The following NXN variants were observed in gnomAD, a reference collection of about 807,000 sequenced individuals.
NXN encodes nucleoredoxin 1.
In NXN, 16 loss-of-function variants were observed where a neutral mutation model predicts 48.6. The observed-to-expected ratio is 0.33, with a 90% confidence interval of 0.22 to 0.50. The LOEUF is 0.50. Among genes scored for constraint, NXN ranks in the 20% least tolerant of loss-of-function variants. The pLI is 0.98. For synonymous variants in NXN, 281 were observed against 269.6 expected (o/e 1.04, Z -0.41); for missense variants, 492 against 605.5 (o/e 0.81, Z 1.97).
intron 1 of NXN, among the ~76,000 whole-genome samples, chr17:950,783 C>A (rs2069100281): frequency 6.6e-6 from 1 of 151,944 alleles, no homozygotes; most frequent in Non-Finnish European, 1.5e-5. Context: ...GGACACGCAA[C>A]ACTGTTCCCA....
chr17:847,720 G>A (rs191960804), intron 1 of NXN, among the ~76,000 whole-genome samples: 2 of 152,232 alleles, frequency 1.3e-5, no homozygotes, highest in Non-Finnish European at 1.5e-5. Flanking sequence ...AAAGGGTTCC[G>A]TCACACAATG....
chr17:804,858 G>A (rs981357329), intron 6 of NXN, among the ~76,000 whole-genome samples: 17 of 152,316 alleles, frequency 1.1e-4, no homozygotes, highest in African/African-American at 3.4e-4. Flanking sequence ...CTGGGGAGCA[G>A]CTAGGAGGGA....
rs1913069160 is a variant in NXN at position 825,823 on chromosome 17, G to A, written c.478+138C>T. 6.3e-6 allele frequency: 4 copies of A among 630,070 alleles called. No homozygotes were observed. The highest frequency in any genetic ancestry group is 8.6e-6 in the Non-Finnish European group (3 of 349,724). 39.0% of individuals were successfully genotyped at this position (630,070 alleles called of 1,614,324 possible). On this transcript the variant is annotated intron_variant, in intron 2 of 7. Coordinates refer to ENST00000336868, the MANE Select transcript of NXN (RefSeq NM_022463.5). The surrounding 1 kb of genome is among the most constrained non-coding windows in gnomAD (Gnocchi z 4.1). ...GGGAATACTATGATTTCACCAAGACGACATTCTCTACCACGTAAACCCACG... is the reference window on the plus strand; with the variant it reads ...GGGAATACTATGATTTCACCAAGACAACATTCTCTACCACGTAAACCCACG...
At chr17:962,313 G>A (rs2069247496) in intron 1 of NXN, among the ~76,000 whole-genome samples, 1 of 152,140 alleles carries the variant, frequency 6.6e-6, no homozygotes, top group Non-Finnish European at 1.5e-5. Flanking sequence ...CCTCTTAGGA[G>A]CTCACAATCT....
intron 1 of NXN, among the ~76,000 whole-genome samples, chr17:914,689 A>C (rs1048932199): frequency 1.3e-5 from 2 of 152,214 alleles, no homozygotes; most frequent in Non-Finnish European, 2.9e-5. Flanking sequence ...TGACCTTCAA[A>C]GAGTCCACAG....
chr17:971,709 CA>C (rs1275705137), intron 1 of NXN, among the ~76,000 whole-genome samples: 123 of 137,722 alleles, frequency 8.9e-4, no homozygotes, highest in Admixed American at 9.5e-4. Flanking sequence ...GACTCCATCT[CA>C]AAAAAAAAAA....
intron 1 of NXN, among the ~76,000 whole-genome samples, chr17:853,735 T>G (rs2067953294): frequency 7.5e-6 from 1 of 133,310 alleles, no homozygotes; most frequent in Admixed American, 7.4e-5. Context: ...TTTTTTTTTT[T>G]TTTCCAAGAC....
At chr17:808,127 C>T (rs1911682117) in intron 5 of NXN, among the ~76,000 whole-genome samples, 1 of 152,140 alleles carries the variant, frequency 6.6e-6, no homozygotes, top group Non-Finnish European at 1.5e-5. Context: ...CCTCACAGCA[C>T]CTGCGATGGG....
chr17:852,977 AT>A (rs930384952), intron 1 of NXN, among the ~76,000 whole-genome samples: 27 of 150,888 alleles, frequency 1.8e-4, no homozygotes, highest in African/African-American at 6.3e-4. Flanking sequence ...TAAAGTGTAA[AT>A]TTTTTCTTTT....
intron 1 of NXN, among the ~76,000 whole-genome samples, chr17:944,513 A>C (rs1213653666): frequency 6.6e-6 from 1 of 152,246 alleles, no homozygotes; most frequent in Non-Finnish European, 1.5e-5. Flanking sequence ...TCAGCTGAGC[A>C]GATGGCAAAG....
intron 6 of NXN, 64 bp downstream of exon 6, chr17:805,004 A>G (rs1911407297): frequency 6.6e-7 from 1 of 1,504,666 alleles, no homozygotes; most frequent in Admixed American, 2.0e-5. Flanking sequence ...GCTCCTCCCA[A>G]GTGAGGCCCC....
At chr17:962,769 G>C (rs1243482375) in intron 1 of NXN, among the ~76,000 whole-genome samples, 2 of 152,162 alleles carry the variant, frequency 1.3e-5, no homozygotes, top group Non-Finnish European at 2.9e-5. Flanking sequence ...ATATACATCT[G>C]AATGCGCTTG....
At chr17:817,759 C>A (rs1317726327) in intron 5 of NXN, among the ~76,000 whole-genome samples, 1 of 151,062 alleles carries the variant, frequency 6.6e-6, no homozygotes, top group Non-Finnish European at 1.5e-5. Flanking sequence ...TTTTCACTCT[C>A]TGTAACCCTA....
In NXN at chr17:958,829, G is replaced by C. The variant is rs976955792; in HGVS notation, c.360+20490C>G. Among the ~76,000 whole-genome samples, 1 of 152,176 alleles carries C rather than the reference G, an allele frequency of 6.6e-6. No individual in the cohort carries two copies. Among genetic ancestry groups the C allele is most frequent in the East Asian group, 1.9e-4 (1 of 5,174 alleles). On this transcript the variant is annotated intron_variant, in intron 1 of 7. Coordinates refer to ENST00000336868, the MANE Select transcript of NXN (RefSeq NM_022463.5). This position sits in a 1 kb window ranked among gnomAD's most constrained non-coding sequence, Gnocchi z 6.9. The stretch of plus-strand genomic sequence containing the variant: ...CTCCTGTAGTCTCAGCTTCTCAGGG[G>C]GCTGAGGTGGGAGGATCGCTTGAGC...
intron 1 of NXN, among the ~76,000 whole-genome samples, chr17:857,676 T>G (rs2068000115): frequency 6.6e-6 from 1 of 152,102 alleles, no homozygotes; most frequent in Non-Finnish European, 1.5e-5. Flanking sequence ...AAGCTGTAGC[T>G]CTCTTTCTCA....
chr17:825,976 G>T lies in NXN; in HGVS notation c.463C>A (p.Arg155=). The change falls in exon 2 of 8, where the codon CGA becomes AGA. Residue 155 remains arginine, a synonymous_variant. Coordinates refer to ENST00000336868, the MANE Select transcript of NXN (RefSeq NM_022463.5). This position sits in a 1 kb window ranked among gnomAD's most constrained non-coding sequence, Gnocchi z 4.1. ...GAGGTTTTACCTTCTGGGTCATCTCGGATCACCAGCAGCCCGTTCCTGCAC... is the reference window on the plus strand; with the variant it reads ...GAGGTTTTACCTTCTGGGTCATCTCTGATCACCAGCAGCCCGTTCCTGCAC... ...VVCRNGLLVI[R]DDPEGLEFPW... 1 of 1,610,952 alleles carries T rather than the reference G, an allele frequency of 6.2e-7. No individual in the cohort carries two copies. Among genetic ancestry groups the T allele is most frequent in the Non-Finnish European group, 8.5e-7 (1 of 1,177,778 alleles).
At chr17:812,679 GGTGTGTGC>G (rs1377900333) in intron 5 of NXN, among the ~76,000 whole-genome samples, 1 of 150,380 alleles carries the variant, frequency 6.6e-6, no homozygotes, top group African/African-American at 2.5e-5. Context: ...TGTGAGTGTA[GGTGTGTGC>G]ACATATGAAT....
At chr17:842,893 C>T (rs1187702680) in intron 1 of NXN, among the ~76,000 whole-genome samples, 3 of 151,728 alleles carry the variant, frequency 2.0e-5, no homozygotes, top group African/African-American at 4.8e-5. Context: ...AAGCCGAGAT[C>T]GCGCCATTGC....
intron 1 of NXN, among the ~76,000 whole-genome samples, chr17:979,001 G>A (rs1330667381): frequency 6.7e-6 from 1 of 150,118 alleles, no homozygotes; most frequent in Non-Finnish European, 1.5e-5. Flanking sequence ...GGAGGGGCTC[G>A]AGCCGGGATC....
Sources: allele counts gnomAD v4.1 joint callset (sites outside exome capture counted in the v4.1 genomes callset), GRCh38; gene constraint gnomAD v4.1.1; non-coding constraint Gnocchi (gnomAD v3.1); transcripts MANE v1.5; gene names NCBI Gene and HGNC (gene_info 2026-07-23, HGNC 2026-07-21).